The following PLEKHD1 variants were observed in gnomAD, a reference collection of about 807,000 sequenced individuals.
PLEKHD1 encodes pleckstrin homology and coiled-coil domain containing D1, also known as pleckstrin homology domain-containing family D member 1.
A neutral mutation model predicts 69.2 loss-of-function variants in PLEKHD1; 51 were observed. The ratio of observed to expected loss-of-function variants is 0.74; its 90% CI spans 0.59 to 0.93. The LOEUF is 0.93. Among genes scored for constraint, PLEKHD1 ranks in the 40% least tolerant of loss-of-function variants. The pLI is 0.00. For synonymous variants in PLEKHD1, 236 were observed against 244.7 expected (o/e 0.96, Z 0.33); for missense variants, 584 against 641.0 (o/e 0.91, Z 0.96).
rs984157259 is a variant in PLEKHD1 at position 69,498,586 on chromosome 14, G to C, written c.150-1529G>C. On this transcript the variant is annotated intron_variant, in intron 1 of 12. Coordinates refer to ENST00000322564, the MANE Select transcript of PLEKHD1 (RefSeq NM_001161498.2). ...ATGCTCACCAGCAAGGTTTCTTTTT[G>C]TTTTCTCTTCTCTTCTCTTCTCTTC... 9.4e-5 allele frequency among the ~76,000 whole-genome samples: 8 copies of C among 84,894 alleles called. No individual in the cohort carries two copies. In the East Asian group the frequency reaches 1.3e-3, roughly 14 times the overall value. 55.7% of individuals were successfully genotyped at this position (84,894 alleles called of 152,430 possible). A position where few individuals can be genotyped will look rare whatever the true frequency, so the allele number is the denominator to read the frequency against.
Position 69,484,961 on chromosome 14 carries a change from G to A in PLEKHD1, c.-5G>A, listed in dbSNP as rs1310388469. ...CCGGGCCGGGCACAGCCCCGCTGAG[G>A]CAGGATGTTCACGTCCAAGTCCAAC... On this transcript the variant is annotated 5_prime_UTR_variant, in exon 1 of 13. Coordinates refer to ENST00000322564, the MANE Select transcript of PLEKHD1 (RefSeq NM_001161498.2). The A allele has an allele frequency of 6.4e-7, 1 of 1,550,490 alleles. No individual in the cohort carries two copies. The highest frequency in any genetic ancestry group is 8.7e-7 in the Non-Finnish European group (1 of 1,146,488).
At chr14:69,508,022 C>A (rs1310375385) in intron 6 of PLEKHD1, among the ~76,000 whole-genome samples, 1 of 152,156 alleles carries the variant, frequency 6.6e-6, no homozygotes, top group Admixed American at 6.5e-5. Context: ...ATGAGTTTAG[C>A]GGTAGCTCGT....
In PLEKHD1 at chr14:69,506,437, A is replaced by C. The variant is rs550403069; in HGVS notation, c.555+3558A>C. Among the ~76,000 whole-genome samples the C allele has an allele frequency of 3.9e-5, 6 of 152,364 alleles. No individual in the cohort carries two copies. The East Asian group carries it at 9.6e-4, about 24-fold the overall frequency. On this transcript the variant is annotated intron_variant, in intron 6 of 12. Transcript: ENST00000322564. Reference sequence around the variant, plus strand: ...AAGTTCTGGCTGCTCCAGGTTTATAAGTGGTAACTTCCACTCTTATCAGCA... The same window carrying C: ...AAGTTCTGGCTGCTCCAGGTTTATACGTGGTAACTTCCACTCTTATCAGCA...
chr14:69,503,058 A>G (rs1883066566), intron 6 of PLEKHD1, 179 bp downstream of exon 6: 1 of 674,832 alleles, frequency 1.5e-6, no homozygotes, highest in Non-Finnish European at 2.5e-6. Flanking sequence ...ACTTGTTGGT[A>G]AGAAGTGTCT....
At chr14:69,496,167 G>A (rs1173749069) in intron 1 of PLEKHD1, among the ~76,000 whole-genome samples, 1 of 152,188 alleles carries the variant, frequency 6.6e-6, no homozygotes, top group Non-Finnish European at 1.5e-5. Context: ...AAGGATGGGG[G>A]TTGGTGGACC....
At chr14:69,526,160 TG>T (rs2139533309) in intron 9 of PLEKHD1, 38 bp downstream of exon 9, 1 of 1,504,624 alleles carries the variant, frequency 6.6e-7, no homozygotes, top group East Asian at 2.5e-5. Flanking sequence ...CCATTGACTT[TG>T]GGGTCTGGGG....
chr14:69,523,229 G>A (rs150117546), intron 7 of PLEKHD1, among the ~76,000 whole-genome samples: 1 of 152,196 alleles, frequency 6.6e-6, no homozygotes, highest in East Asian at 1.9e-4. Flanking sequence ...ACCGCACCAG[G>A]GCTAGAAATC....
the PLEKHD1 span, among the ~76,000 whole-genome samples, chr14:69,469,209 A>AG: frequency 2.6e-5 from 4 of 152,128 alleles, no homozygotes. Flanking sequence ...AGGATGTTAG[A>AG]GGGAAACTAG....
chr14:69,513,150 C>T (rs999583437), intron 6 of PLEKHD1, among the ~76,000 whole-genome samples: 6 of 151,412 alleles, frequency 4.0e-5, no homozygotes, highest in East Asian at 1.9e-4. Context: ...ACCCAGGAGG[C>T]GGAAGTTGCA....
At chr14:69,516,890 C>T (rs1307713700) in intron 6 of PLEKHD1, among the ~76,000 whole-genome samples, 3 of 152,162 alleles carry the variant, frequency 2.0e-5, no homozygotes, top group South Asian at 2.1e-4. Flanking sequence ...AGGCTGGCCT[C>T]GAACTCCTGA....
intron 6 of PLEKHD1, among the ~76,000 whole-genome samples, chr14:69,513,333 G>A (rs562586110): frequency 1.3e-5 from 2 of 152,148 alleles, no homozygotes; most frequent in Admixed American, 1.3e-4. Context: ...CAGAATCACA[G>A]CAGATTGACA....
At chr14:69,524,344 A>C (rs7155876) in intron 8 of PLEKHD1, 22 bp downstream of exon 8, 1 of 1,544,802 alleles carries the variant, frequency 6.5e-7, no homozygotes. Context: ...CTGGTGGGTT[A>C]GTTGACCAGG....
rs527636906 is a variant in PLEKHD1, at chr14:69,513,763, A to T, written c.556-8520A>T. The stretch of plus-strand genomic sequence containing the variant: ...CTTCTCCCTGAGGACTTCTTTTAAC[A>T]TTTCTTGCAAGACAGGTCTACTGGC... On this transcript the variant is annotated intron_variant, in intron 6 of 12. Transcript: ENST00000322564. Among the ~76,000 whole-genome samples the T allele has an allele frequency of 2.0e-3, 302 of 152,164 alleles. 2 individuals carry two copies. Among genetic ancestry groups the T allele is most frequent in the Non-Finnish European group, 3.0e-3 (204 of 68,008 alleles).
intron 6 of PLEKHD1, among the ~76,000 whole-genome samples, chr14:69,516,118 C>T (rs543092474): frequency 6.6e-6 from 1 of 152,316 alleles, no homozygotes; most frequent in Admixed American, 6.5e-5. Context: ...GCCACTGTGT[C>T]CTGCCTTGTT....
At position 69,530,155 on chromosome 14, in the gene PLEKHD1, C is replaced by A. The variant is rs1442905234; in HGVS notation, c.*1736C>A. The A allele has an allele frequency of 1.3e-5, 2 of 152,250 alleles. No homozygotes were observed. The highest frequency in any genetic ancestry group is 1.9e-4 in the East Asian group (1 of 5,204). 9.4% of individuals were successfully genotyped at this position (152,250 alleles called of 1,614,324 possible). A position where few individuals can be genotyped will look rare whatever the true frequency, so the allele number is the denominator to read the frequency against. On this transcript the variant is annotated 3_prime_UTR_variant, in exon 13 of 13. Transcript: ENST00000322564. ...ACAACCTATTCTGTGGGAAGAGGAG[C>A]ATTGTTGCCTCTAAGAACACATGCA...
At chr14:69,485,221 C>A (rs1882629445) in intron 1 of PLEKHD1, 107 bp downstream of exon 1, 4 of 1,273,042 alleles carry the variant, frequency 3.1e-6, no homozygotes, top group Non-Finnish European at 4.3e-6. Context: ...TCCTGTGTGA[C>A]CTTGGCGTCA....
In PLEKHD1 at chr14:69,502,816, T is replaced by C; in HGVS notation, c.503-11T>C. 1 of 1,551,522 alleles carries C rather than the reference T, an allele frequency of 6.4e-7. No homozygotes were observed. Among genetic ancestry groups the C allele is most frequent in the South Asian group, 1.2e-5 (1 of 84,062 alleles). On this transcript the variant is annotated splice_polypyrimidine_tract_variant and intron_variant, in intron 5 of 12. Coordinates refer to ENST00000322564, the MANE Select transcript of PLEKHD1 (RefSeq NM_001161498.2). ...GTGTGTGCATGTGTGTGTGTGTGCT[T>C]GTTTTGGCAGACAAACTGATGGAAG...
the PLEKHD1 span, among the ~76,000 whole-genome samples, chr14:69,474,748 G>A: frequency 1.3e-5 from 2 of 152,160 alleles, no homozygotes; most frequent in African/African-American, 2.4e-5. Context: ...CCGGGTGTGC[G>A]GATGCAAATT....
intron 11 of PLEKHD1, 87 bp downstream of exon 11, chr14:69,527,419 CAGGGTCTGCT>C: frequency 6.6e-7 from 1 of 1,519,016 alleles, no homozygotes; most frequent in Non-Finnish European, 8.9e-7. Flanking sequence ...GAAACCCACA[CAGGGTCTGCT>C]AGGCATGAGG....
Sources: gnomAD v4.1 joint callset for allele counts (sites outside exome capture counted in the v4.1 genomes callset) on GRCh38, gnomAD v4.1.1 for gene constraint, MANE v1.5 for transcripts, NCBI Gene and HGNC (gene_info 2026-07-23, HGNC 2026-07-21) for gene names.